Variants in LHPP observed in about 807,000 individuals in gnomAD.
LHPP encodes the protein hLHPP.
LHPP carries 24 observed loss-of-function variants against 30.3 expected under a neutral mutation model. That is an observed-to-expected ratio of 0.79 (90% confidence interval 0.57 to 1.11). The LOEUF is 1.11. Among genes scored for constraint, LHPP ranks in the 50% most tolerant of loss-of-function variants. The pLI, the probability that LHPP is intolerant of heterozygous loss-of-function variation, is 0.00. For missense variants in LHPP, 356 were observed against 367.2 expected, an observed-to-expected ratio of 0.97 and a Z score of 0.25; for synonymous variants, 150 against 157.1, an observed-to-expected ratio of 0.95 and a Z score of 0.34.
intron 6 of LHPP, among the ~76,000 whole-genome samples, chr10:124,556,994 C>CTAGCAAATTAATT (rs1442590542): frequency 6.6e-6 from 1 of 152,112 alleles, no homozygotes; most frequent in Non-Finnish European, 1.5e-5. Context: ...CCTGAAGATG[C>CTAGCAAATTAATT]TAGCAAATTA....
At chr10:124,484,374 T>C (rs1319614273) in intron 2 of LHPP, 48 bp downstream of exon 2, 1 of 1,557,406 alleles carries the variant, frequency 6.4e-7, no homozygotes, top group South Asian at 1.1e-5. Context: ...AGCTCCCCTT[T>C]CCCAGGGTGG....
In LHPP at chr10:124,478,706, C is replaced by T. The variant is rs1953030744; in HGVS notation, c.126-5433C>T. Among the ~76,000 whole-genome samples the T allele has an allele frequency of 6.6e-6, 1 of 152,218 alleles. No homozygotes were observed. The highest frequency in any genetic ancestry group is 1.5e-5 in the Non-Finnish European group (1 of 68,040). On this transcript the variant is annotated intron_variant, in intron 1 of 6. Transcript: ENST00000368842. This position sits in a 1 kb window ranked among gnomAD's most constrained non-coding sequence, Gnocchi z 4.7. ...CGGTAATTGCCCCGGGCGATGTTGT[C>T]ACTCAGAGGCTCGTCCTGGCCTGCT...
In LHPP at chr10:124,595,476, A is replaced by G. The variant is rs981024987; in HGVS notation, c.717-17788A>G. Among the ~76,000 whole-genome samples, 50 of 152,258 alleles carry G rather than the reference A, an allele frequency of 3.3e-4. 1 individual carries two copies. The highest frequency in any genetic ancestry group is 8.5e-4 in the Admixed American group (13 of 15,286). ...CCTTGGCTGCCATAGAAGGCCATTC[A>G]CGTCCCTCACACCCTGGCCTGTGCT... On this transcript the variant is annotated intron_variant, in intron 6 of 6. Coordinates refer to ENST00000368842, the MANE Select transcript of LHPP (RefSeq NM_022126.4).
At chr10:124,525,943 G>T (rs1954720700) in intron 6 of LHPP, among the ~76,000 whole-genome samples, 1 of 152,306 alleles carries the variant, frequency 6.6e-6, no homozygotes, top group Non-Finnish European at 1.5e-5. Flanking sequence ...CTGAGGAAGG[G>T]GGTCCCAGGT....
intron 2 of LHPP, among the ~76,000 whole-genome samples, chr10:124,485,832 C>T (rs962845992): frequency 9.2e-5 from 14 of 152,148 alleles, no homozygotes; most frequent in African/African-American, 2.4e-4. Flanking sequence ...AACTCCTGAC[C>T]TCAGGTGATC....
chr10:124,597,687 G>A (rs936474074), intron 6 of LHPP, among the ~76,000 whole-genome samples: 1 of 152,146 alleles, frequency 6.6e-6, no homozygotes, highest in Admixed American at 6.5e-5. Context: ...GAGAGGAGGT[G>A]GGGTGGCACT....
chr10:124,589,255 G>A (rs987010082), intron 6 of LHPP, among the ~76,000 whole-genome samples: 4 of 152,214 alleles, frequency 2.6e-5, no homozygotes, highest in African/African-American at 4.8e-5. Flanking sequence ...GGCCGTGCTC[G>A]CAGCCTGATA....
intron 6 of LHPP, among the ~76,000 whole-genome samples, chr10:124,551,842 C>T (rs1464280530): frequency 1.3e-5 from 2 of 152,164 alleles, no homozygotes; most frequent in African/African-American, 4.8e-5. Flanking sequence ...TGACCTCGCT[C>T]CAGCCTGACC....
At chr10:124,587,765 A>AAAAC (rs1948824818) in intron 6 of LHPP, among the ~76,000 whole-genome samples, 2 of 140,998 alleles carry the variant, frequency 1.4e-5, no homozygotes, top group Non-Finnish European at 3.1e-5. Flanking sequence ...AAAAAAAAAA[A>AAAAC]CCAAAAAAAC....
intron 6 of LHPP, among the ~76,000 whole-genome samples, chr10:124,567,100 C>T (rs1183024048): frequency 6.6e-6 from 1 of 152,230 alleles, no homozygotes; most frequent in East Asian, 1.9e-4. Flanking sequence ...TGAGGGGGCT[C>T]CCAGAACTCC....
intron 3 of LHPP, among the ~76,000 whole-genome samples, chr10:124,494,403 TTTG>T (rs1421419001): frequency 1.3e-5 from 2 of 152,212 alleles, no homozygotes; most frequent in East Asian, 1.9e-4. Flanking sequence ...ATGGAGTAGT[TTTG>T]TTGATTTCAG....
At chr10:124,498,168 C>T (rs1417833926) in intron 5 of LHPP, 40 bp downstream of exon 5, 2 of 1,583,284 alleles carry the variant, frequency 1.3e-6, no homozygotes, top group South Asian at 2.2e-5. Flanking sequence ...GGGAGGCAGC[C>T]CCGTCAGGGA....
In LHPP at chr10:124,523,363, G is replaced by GC. The variant is rs1954656391; in HGVS notation, c.716+6092_716+6093insC. Among the ~76,000 whole-genome samples, 1 of 152,206 alleles carries GC rather than the reference G, an allele frequency of 6.6e-6. No homozygotes were observed. Among genetic ancestry groups the GC allele is most frequent in the Non-Finnish European group, 1.5e-5 (1 of 68,046 alleles). On this transcript the variant is annotated intron_variant, in intron 6 of 6. Coordinates refer to ENST00000368842, the MANE Select transcript of LHPP (RefSeq NM_022126.4). The surrounding 1 kb of genome is among the most constrained non-coding windows in gnomAD (Gnocchi z 4.2). ...GCCGCCTTGCACAAAGCTGGAAGAC[G>GC]AGGGGCTGCAGGGTGCATGGCTGTG... is the stretch of plus-strand genomic sequence containing the variant.
intron 1 of LHPP, among the ~76,000 whole-genome samples, chr10:124,471,205 C>G (rs1000895679): frequency 1.3e-5 from 2 of 150,930 alleles, no homozygotes; most frequent in African/African-American, 4.9e-5. Context: ...TCCAGTTCTG[C>G]GGGCACCTGC....
intron 6 of LHPP, among the ~76,000 whole-genome samples, chr10:124,551,701 G>A (rs1299306652): frequency 2.0e-5 from 3 of 152,026 alleles, no homozygotes; most frequent in African/African-American, 2.4e-5. Flanking sequence ...CCTGAGACCC[G>A]CGGGCTTGGC....
chr10:124,549,970 C>T (rs1361932414), intron 6 of LHPP, among the ~76,000 whole-genome samples: 1 of 150,666 alleles, frequency 6.6e-6, no homozygotes, highest in Non-Finnish European at 1.5e-5. Context: ...GTGAGGATGA[C>T]GCTGGCCTCG....
At chr10:124,497,362 T>C (rs571639517) in intron 4 of LHPP, among the ~76,000 whole-genome samples, 25 of 149,588 alleles carry the variant, frequency 1.7e-4, no homozygotes, top group African/African-American at 6.2e-4. Flanking sequence ...TCTGCCACAC[T>C]CCTCTCGGGC....
At chr10:124,545,169 C>T (rs1285799023) in intron 6 of LHPP, among the ~76,000 whole-genome samples, 3 of 152,168 alleles carry the variant, frequency 2.0e-5, no homozygotes, top group Non-Finnish European at 4.4e-5. Context: ...AAGGGGGGCT[C>T]CTGTGTGCGG....
At chr10:124,587,557 C>T (rs1179290540) in intron 6 of LHPP, among the ~76,000 whole-genome samples, 3 of 151,220 alleles carry the variant, frequency 2.0e-5, no homozygotes, top group African/African-American at 4.9e-5. Context: ...CTGACTAACA[C>T]GGGGAAACCC....
Sources: allele counts gnomAD v4.1 joint callset (sites outside exome capture counted in the v4.1 genomes callset), GRCh38; gene constraint gnomAD v4.1.1; non-coding constraint Gnocchi (gnomAD v3.1); transcripts MANE v1.5; gene names NCBI Gene and HGNC (gene_info 2026-07-23, HGNC 2026-07-21).